The following LAMA5 variants were observed in gnomAD, a reference collection of about 807,000 sequenced individuals.
LAMA5 encodes the protein laminin subunit alpha 5.
LAMA5 carries 260 observed loss-of-function variants against 433.4 expected under a neutral mutation model. That is an observed-to-expected ratio of 0.60 (90% CI 0.54 to 0.66). The LOEUF (loss-of-function observed/expected upper bound fraction) is 0.66, where lower values mean the gene tolerates loss of function less well. Ranked by LOEUF, LAMA5 falls within the 30% of genes least tolerant of loss-of-function variation. The pLI, the probability that LAMA5 is intolerant of heterozygous loss-of-function variation, is 0.00. For synonymous variants in LAMA5, 2,620 were observed against 2,226.6 expected (o/e 1.18, Z -4.97); for missense variants, 5,378 against 5,258.5 (o/e 1.02, Z -0.70).
chr20:62,363,334 G>C (rs1369741887), intron 1 of LAMA5, among the ~76,000 whole-genome samples: 3 of 152,200 alleles, frequency 2.0e-5, no homozygotes, highest in Non-Finnish European at 4.4e-5. Context: ...GAGCCTCAAT[G>C]TCCCCATCCA....
At position 62,330,999 on chromosome 20, in the gene LAMA5, C is replaced by T. The variant is rs73613564; in HGVS notation, c.3650+33G>A. ...CCGGCCCTGCCGCCGGGCCCTCGGCCGCGCCCCTCCCAGCCCCATTACCTG... is the reference window on the plus strand; with the variant it reads ...CCGGCCCTGCCGCCGGGCCCTCGGCTGCGCCCCTCCCAGCCCCATTACCTG... On this transcript the variant is annotated intron_variant, in intron 29 of 79. Coordinates refer to ENST00000252999, the MANE Select transcript of LAMA5 (RefSeq NM_005560.6). 0.62 allele frequency: 983,245 copies of T among 1,575,364 alleles called. 318,074 individuals are homozygous for T. Among genetic ancestry groups the T allele is most frequent in the East Asian group, 0.79 (33,736 of 42,948 alleles).
In LAMA5 at chr20:62,328,295, G is replaced by A. The variant is rs746100543; in HGVS notation, c.4598C>T (p.Pro1533Leu). 2 of 1,607,744 alleles carry A rather than the reference G, an allele frequency of 1.2e-6. No individual in the cohort carries two copies. Among genetic ancestry groups the A allele is most frequent in the East Asian group, 4.5e-5 (2 of 44,740 alleles). ...AGGGTCTGTGAGCTCCTGGATGCCG[G>A]GCCCTGAGCAGTTACACTCCTCACA... ...VGCEECNCSG[P>L]GIQELTDPTC... Residue 1533 changes from proline to leucine, a missense_variant, in exon 35 of 80, where the codon CCC becomes CTC. Physicochemically the swap from Pro to Leu is moderately conservative, Grantham distance 98. Coordinates refer to ENST00000252999, the MANE Select transcript of LAMA5 (RefSeq NM_005560.6).
At position 62,338,643 on chromosome 20, in the gene LAMA5, G is replaced by A. The variant is rs568406956; in HGVS notation, c.1478-35C>T. On this transcript the variant is annotated intron_variant, in intron 11 of 79. Coordinates refer to ENST00000252999, the MANE Select transcript of LAMA5 (RefSeq NM_005560.6). ...GGGGACAGGCAGGGGAGTCTCAGAT[G>A]CCCTGCAGACCCCAGTACGCCCCTC... is the stretch of plus-strand genomic sequence containing the variant. 26 of 1,588,612 alleles carry A rather than the reference G, an allele frequency of 1.6e-5. No homozygotes were observed. In the Middle Eastern group the frequency reaches 5.1e-4, roughly 31 times the overall value.
chr20:62,314,278 T>A, intron 62 of LAMA5, 26 bp downstream of exon 62: 1 of 1,608,534 alleles, frequency 6.2e-7, no homozygotes, highest in Non-Finnish European at 8.5e-7. Flanking sequence ...GTTGGAGGCA[T>A]CCGGCCTCTC....
intron 45 of LAMA5, 32 bp from the exon 46 acceptor site, chr20:62,322,790 GC>G: frequency 7.3e-7 from 1 of 1,366,752 alleles, no homozygotes. Flanking sequence ...GCAGCCCTGG[GC>G]CCTCTCACCC....
rs368426145 is a variant in LAMA5 at position 62,366,028 on chromosome 20, G to A, written c.297+921C>T. The stretch of plus-strand genomic sequence containing the variant: ...CGCCCCTGCCCCAGCCTCTCCTTCC[G>A]GGAAGGCAGAGGTACCAGGGAGGAG... On this transcript the variant is annotated intron_variant, in intron 1 of 79. Coordinates refer to ENST00000252999, the MANE Select transcript of LAMA5 (RefSeq NM_005560.6). Among the ~76,000 whole-genome samples, 181 of 152,302 alleles carry A rather than the reference G, an allele frequency of 1.2e-3. No homozygotes were observed. In the South Asian group the frequency reaches 0.016, roughly 13 times the overall value.
At chr20:62,362,676 G>T in intron 1 of LAMA5, 124 bp from the exon 2 acceptor site, 1 of 810,912 alleles carries the variant, frequency 1.2e-6, no homozygotes, top group Non-Finnish European at 1.7e-6. Context: ...CCCAGCCTCT[G>T]CGCCCCTCAT....
chr20:62,322,662 C>G lies in LAMA5; in HGVS notation c.6161G>C (p.Cys2054Ser), dbSNP rs1375338905. 1.3e-6 allele frequency: 2 copies of G among 1,514,726 alleles called. No homozygotes were observed. Among genetic ancestry groups the G allele is most frequent in the African/African-American group, 1.4e-5 (1 of 72,502 alleles). 93.8% of individuals were successfully genotyped at this position (1,514,726 alleles called of 1,614,324 possible). A position where few individuals can be genotyped will look rare whatever the true frequency, so the allele number is the denominator to read the frequency against. The change falls in exon 46 of 80, where the codon TGC (cysteine) becomes TCC (serine). Residue 2054 changes from cysteine (C) to serine (S), a missense_variant. Physicochemically the swap from Cys to Ser is moderately radical, Grantham distance 112. Coordinates refer to ENST00000252999, the MANE Select transcript of LAMA5 (RefSeq NM_005560.6). ...CTGCTTACCCCACAGCCCTACCTGG[C>G]AGCGGTCACAGCGCCGCCCAGTCAC... is the stretch of plus-strand genomic sequence containing the variant. ...AGVTGRRCDR[C>S]QEGHFGFDGC...
In LAMA5 at chr20:62,343,091, C is replaced by T. The variant is rs185640574; in HGVS notation, c.1477+2727G>A. 1.8e-4 allele frequency among the ~76,000 whole-genome samples: 27 copies of T among 152,258 alleles called. No homozygotes were observed. The East Asian group carries it at 4.1e-3, about 23-fold the overall frequency. On this transcript the variant is annotated intron_variant, in intron 11 of 79. Transcript: ENST00000252999. ...TTTTGTAAATAAAGTTTTATTGGAA[C>T]GCCGCCAACCCCACTCATGAATACG...
At chr20:62,316,398 G>A (rs1186254004) in intron 57 of LAMA5, 2 of 534,572 alleles carry the variant, frequency 3.7e-6, no homozygotes, top group Non-Finnish European at 3.3e-6. Flanking sequence ...GCAGAGCAGA[G>A]GCCACGTATC....
intron 31 of LAMA5, among the ~76,000 whole-genome samples, 179 bp from the exon 32 acceptor site, chr20:62,330,095 A>G (rs1304629060): frequency 6.6e-6 from 1 of 152,232 alleles, no homozygotes; most frequent in South Asian, 2.1e-4. Context: ...GGTTGGCCGC[A>G]TCATGACCTA....
In LAMA5 at chr20:62,338,449, G is replaced by A. The variant is rs752958311; in HGVS notation, c.1618+19C>T. On this transcript the variant is annotated intron_variant, in intron 12 of 79. Coordinates refer to ENST00000252999, the MANE Select transcript of LAMA5 (RefSeq NM_005560.6). Reference sequence around the variant, plus strand: ...CACCTCGAGCGCAGGTAGAGGTTGAGCGGGGAGAGGGGACTCACGCTGGCA... The same window carrying A: ...CACCTCGAGCGCAGGTAGAGGTTGAACGGGGAGAGGGGACTCACGCTGGCA... 35 of 1,607,678 alleles carry A rather than the reference G, an allele frequency of 2.2e-5. No homozygotes were observed. The highest frequency in any genetic ancestry group is 1.7e-4 in the South Asian group (15 of 90,036).
intron 2 of LAMA5, among the ~76,000 whole-genome samples, chr20:62,360,209 T>C (rs1455688260): frequency 7.2e-6 from 1 of 139,520 alleles, no homozygotes; most frequent in African/African-American, 2.7e-5. Context: ...GTCAGGAAAG[T>C]GGGTGAGAAG....
rs1237211576 is a variant in LAMA5 at position 62,319,791 on chromosome 20, A to G, written c.6764T>C (p.Val2255Ala). The part of the protein sequence containing the change: ...QDARRLGGQA[V>A]GTRDQASQLL... ...TTGGCTCGCCTGGTCTCGGGTCCCCACGGCCTGTGGAGGAAGAGCCCACTA... is the reference window on the plus strand; with the variant it reads ...TTGGCTCGCCTGGTCTCGGGTCCCCGCGGCCTGTGGAGGAAGAGCCCACTA... The change falls in exon 51 of 80, where the codon GTG (valine) becomes GCG (alanine). Residue 2255 changes from valine (V) to alanine (A), a missense_variant. Val to Ala is a moderately conservative substitution (Grantham distance 64, BLOSUM62 0). Transcript: ENST00000252999. 6.5e-7 allele frequency: 1 copy of G among 1,545,062 alleles called. No homozygotes were observed. Among genetic ancestry groups the G allele is most frequent in the Non-Finnish European group, 8.7e-7 (1 of 1,145,620 alleles).
chr20:62,317,647 A>T lies in LAMA5; in HGVS notation c.7356+15T>A. The T allele has an allele frequency of 2.6e-6, 4 of 1,546,358 alleles. No homozygotes were observed. Among genetic ancestry groups the T allele is most frequent in the Non-Finnish European group, 3.5e-6 (4 of 1,142,738 alleles). On this transcript the variant is annotated intron_variant, in intron 54 of 79. Transcript: ENST00000252999. ...CGTGGATGGGGTGGCGACAGGGGCC[A>T]GGGGCTGCACTCACCTCCTTAGCCT...
At chr20:62,366,882 G>C in intron 1 of LAMA5, 67 bp downstream of exon 1, 2 of 1,229,552 alleles carry the variant, frequency 1.6e-6, no homozygotes, top group Non-Finnish European at 2.0e-6. Flanking sequence ...GCTCCCCCTG[G>C]GGTCGGGCCG....
chr20:62,322,122 G>GCAGCGGCCCGTGTGAGGGTCA lies in LAMA5; in HGVS notation c.6372_6392dup (p.Asp2125_Cys2131dup), dbSNP rs1355121261. The GCAGCGGCCCGTGTGAGGGTCA allele has an allele frequency of 1.2e-6, 2 of 1,602,974 alleles. No individual in the cohort carries two copies. Among genetic ancestry groups the GCAGCGGCCCGTGTGAGGGTCA allele is most frequent in the Non-Finnish European group, 1.7e-6 (2 of 1,178,452 alleles). ...CCCCGCTGAGCCCCGGGGGGCAGTT[G>GCAGCGGCCCGTGTGAGGGTCA]CAGCGGCCCGTGTGAGGGTCACAGC... On this transcript the variant is annotated inframe_insertion, in exon 48 of 80. Coordinates refer to ENST00000252999, the MANE Select transcript of LAMA5 (RefSeq NM_005560.6).
chr20:62,314,218 G>A (rs1986681755), intron 62 of LAMA5, 86 bp downstream of exon 62: 1 of 1,495,574 alleles, frequency 6.7e-7, no homozygotes, highest in Non-Finnish European at 9.1e-7. Flanking sequence ...GTGAAGGGTG[G>A]TGGGTGCACA....
Position 62,334,177 on chromosome 20 carries a change from A to G in LAMA5, c.2739+9T>C. The G allele has an allele frequency of 6.2e-7, 1 of 1,610,216 alleles. No individual in the cohort carries two copies. Among genetic ancestry groups the G allele is most frequent in the Non-Finnish European group, 8.5e-7 (1 of 1,178,014 alleles). On this transcript the variant is annotated intron_variant, in intron 22 of 79. Transcript: ENST00000252999. ...AGGCTGAGCCTGGGAGGGGGAGCACAGCGCCCACCTGGACAGGTGCCATCT... is the reference window on the plus strand; with the variant it reads ...AGGCTGAGCCTGGGAGGGGGAGCACGGCGCCCACCTGGACAGGTGCCATCT...
Sources: gnomAD v4.1 joint callset for allele counts (sites outside exome capture counted in the v4.1 genomes callset) on GRCh38, gnomAD v4.1.1 for gene constraint, MANE v1.5 for transcripts, NCBI Gene and HGNC (gene_info 2026-07-23, HGNC 2026-07-21) for gene names.